AUTS2: variants seen among roughly 807,000 people sequenced by gnomAD.
AUTS2 encodes the protein activator of transcription and developmental regulator AUTS2, also known as autism susceptibility gene 2 protein.
In AUTS2, 17 loss-of-function variants were observed where a neutral mutation model predicts 112.4. The ratio of observed to expected loss-of-function variants is 0.15; its 90% CI spans 0.10 to 0.23. The LOEUF (loss-of-function observed/expected upper bound fraction) is 0.23, where lower values mean the gene tolerates loss of function less well. Among genes scored for constraint, AUTS2 ranks in the 10% least tolerant of loss-of-function variants. The pLI is 1.00. For missense variants in AUTS2, 1,510 were observed against 1,701.6 expected (o/e 0.89, Z 1.98); for synonymous variants, 751 against 702.7 (o/e 1.07, Z -1.09).
At chr7:69,714,482 T>A (rs1166239844) in intron 1 of AUTS2, among the ~76,000 whole-genome samples, 2 of 152,162 alleles carry the variant, frequency 1.3e-5, no homozygotes, top group Non-Finnish European at 2.9e-5. Context: ...TCCATTGAAT[T>A]GCCTTTCTGC....
At chr7:70,137,630 T>C (rs1300113818) in intron 4 of AUTS2, among the ~76,000 whole-genome samples, 1 of 152,168 alleles carries the variant, frequency 6.6e-6, no homozygotes, top group Non-Finnish European at 1.5e-5. Flanking sequence ...TGTATGACCT[T>C]GGTCCGGTTA....
intron 1 of AUTS2, among the ~76,000 whole-genome samples, chr7:69,809,055 A>G (rs1228588341): frequency 6.6e-6 from 1 of 151,010 alleles, no homozygotes; most frequent in East Asian, 1.9e-4. Flanking sequence ...ATCAGGCCTC[A>G]TTCCCCATCA....
chr7:69,815,569 C>T (rs941331145), intron 1 of AUTS2, among the ~76,000 whole-genome samples: 3 of 152,092 alleles, frequency 2.0e-5, no homozygotes, highest in Admixed American at 2.0e-4. Context: ...GACTGGAGTG[C>T]AGTGGCATGA....
chr7:69,802,334 C>A (rs1057316078), intron 1 of AUTS2, among the ~76,000 whole-genome samples: 49 of 152,146 alleles, frequency 3.2e-4, no homozygotes, highest in Admixed American at 2.8e-3. Flanking sequence ...GTGGAACCAC[C>A]TCTCTCAGAT....
chr7:70,248,547 T>C (rs945885421), intron 4 of AUTS2, among the ~76,000 whole-genome samples: 26 of 152,238 alleles, frequency 1.7e-4, no homozygotes, highest in African/African-American at 6.0e-4. Context: ...AGATAATATT[T>C]GTCTGTTAAA....
In AUTS2 at chr7:70,790,590, G is replaced by GCCA. The variant is rs538005366; in HGVS notation, c.3398_3400dup (p.His1133dup). ...AGGGACCGGGAGCCTCACGACTACA[G>GCCA]CCACCACCACCACCACCACCACCAC... On this transcript the variant is annotated inframe_insertion, in exon 19 of 19. Coordinates refer to ENST00000342771, the MANE Select transcript of AUTS2 (RefSeq NM_015570.4). The surrounding 1 kb of genome is among the most constrained non-coding windows in gnomAD (Gnocchi z 7.6). 8.2e-3 allele frequency: 13,058 copies of GCCA among 1,600,800 alleles called. 75 individuals are homozygous for GCCA. Among genetic ancestry groups the GCCA allele is most frequent in the Middle Eastern group, 0.026 (160 of 6,042 alleles).
chr7:70,703,573 C>T (rs1809580172), intron 6 of AUTS2, among the ~76,000 whole-genome samples: 1 of 149,900 alleles, frequency 6.7e-6, no homozygotes, highest in Admixed American at 6.6e-5. Context: ...GAATAGCTCT[C>T]TTAAGAAAAA....
chr7:69,710,064 C>A (rs1798246573), intron 1 of AUTS2, among the ~76,000 whole-genome samples: 1 of 151,988 alleles, frequency 6.6e-6, no homozygotes, highest in African/African-American at 2.4e-5. Context: ...GATGGCCAGC[C>A]CTCTAAATTG....
At chr7:69,920,662 A>C (rs1316388956) in intron 2 of AUTS2, among the ~76,000 whole-genome samples, 1 of 152,006 alleles carries the variant, frequency 6.6e-6, no homozygotes, top group Non-Finnish European at 1.5e-5. Flanking sequence ...CCTTCCCTAT[A>C]CCCTATTTAT....
chr7:69,832,019 T>C (rs1365458073), intron 1 of AUTS2, among the ~76,000 whole-genome samples: 1 of 152,190 alleles, frequency 6.6e-6, no homozygotes, highest in African/African-American at 2.4e-5. Context: ...TTGTGTGACA[T>C]TTTCAAAATA....
intron 2 of AUTS2, among the ~76,000 whole-genome samples, chr7:70,000,294 T>G (rs553572863): frequency 1.3e-5 from 2 of 152,158 alleles, no homozygotes; most frequent in Non-Finnish European, 2.9e-5. Flanking sequence ...TATGCAATGG[T>G]TGGATCAAAA....
chr7:69,947,680 G>T (rs1436281659), intron 2 of AUTS2, among the ~76,000 whole-genome samples: 3 of 152,108 alleles, frequency 2.0e-5, no homozygotes, highest in Non-Finnish European at 4.4e-5. Flanking sequence ...AACTTTCGCT[G>T]GTTGCCATTT....
At chr7:69,705,521 A>G (rs948452879) in intron 1 of AUTS2, among the ~76,000 whole-genome samples, 1 of 152,234 alleles carries the variant, frequency 6.6e-6, no homozygotes, top group African/African-American at 2.4e-5. Context: ...TGTGGAAAGA[A>G]TGCATATTAT....
At chr7:70,782,991 T>C (rs1791191525) in intron 15 of AUTS2, 1 of 152,208 alleles carries the variant, frequency 6.6e-6, no homozygotes, top group Non-Finnish European at 1.5e-5. Context: ...GCACCTAGGC[T>C]CTGAGACAGG....
chr7:70,307,901 C>T (rs144288485), intron 4 of AUTS2, among the ~76,000 whole-genome samples: 2 of 152,200 alleles, frequency 1.3e-5, no homozygotes, highest in Non-Finnish European at 2.9e-5. Context: ...TAACCACATC[C>T]GAAAGAGTCA....
At chr7:69,688,793 G>A (rs937447831) in intron 1 of AUTS2, among the ~76,000 whole-genome samples, 1 of 151,922 alleles carries the variant, frequency 6.6e-6, no homozygotes, top group African/African-American at 2.4e-5. Context: ...ACACCCCCTT[G>A]TTTATTTCTT....
chr7:70,120,631 A>G (rs917039675), intron 3 of AUTS2, among the ~76,000 whole-genome samples: 3 of 152,186 alleles, frequency 2.0e-5, no homozygotes, highest in Admixed American at 2.0e-4. Context: ...AATGAACGCC[A>G]TGTTAGTTTA....
At chr7:70,274,305 T>G (rs1787829373) in intron 4 of AUTS2, among the ~76,000 whole-genome samples, 1 of 152,142 alleles carries the variant, frequency 6.6e-6, no homozygotes, top group African/African-American at 2.4e-5. Flanking sequence ...CATCTTTTTT[T>G]GTTTTGAGAC....
At chr7:69,975,855 T>G (rs2129548551) in intron 2 of AUTS2, among the ~76,000 whole-genome samples, 1 of 151,998 alleles carries the variant, frequency 6.6e-6, no homozygotes, top group East Asian at 1.9e-4. Flanking sequence ...GCCCAGCTAA[T>G]TTTTGTATTT....
Sources: gnomAD v4.1 joint callset for allele counts (sites outside exome capture counted in the v4.1 genomes callset) on GRCh38, gnomAD v4.1.1 for gene constraint, Gnocchi (gnomAD v3.1) non-coding constraint, MANE v1.5 for transcripts, NCBI Gene and HGNC (gene_info 2026-07-23, HGNC 2026-07-21) for gene names.